CSMD1: variants seen among roughly 807,000 people sequenced by gnomAD.
The protein encoded by CSMD1 is CUB and Sushi multiple domains 1.
CSMD1 carries 213 observed loss-of-function variants against 417.5 expected under a neutral mutation model. That is an observed-to-expected ratio of 0.51 (90% CI 0.46 to 0.57). The LOEUF is 0.57. CSMD1 is among the 20% of genes least tolerant of loss of function. CSMD1 has a pLI of 0.00. For synonymous variants in CSMD1, 2,862 were observed against 1,736.8 expected (o/e 1.65, Z -16.11); for missense variants, 6,923 against 4,529.7 (o/e 1.53, Z -15.17).
intron 3 of CSMD1, among the ~76,000 whole-genome samples, chr8:4,177,645 C>G (rs2680619): frequency 0.97 from 135,982 of 140,094 alleles, 66,057 homozygotes; most frequent in East Asian, 1. Context: ...CCAGGAGCTG[C>G]TTTTTTGAAA....
chr8:4,637,710 C>A (rs940847563), intron 1 of CSMD1, among the ~76,000 whole-genome samples, 152 bp from the exon 2 acceptor site: 3 of 128,446 alleles, frequency 2.3e-5, no homozygotes, highest in African/African-American at 8.7e-5. Context: ...GTCGCCCAGG[C>A]CGGACTGCGG....
intron 54 of CSMD1, among the ~76,000 whole-genome samples, chr8:2,992,249 A>G (rs1361345729): frequency 2.0e-5 from 3 of 151,944 alleles, no homozygotes; most frequent in African/African-American, 4.8e-5. Context: ...CATTGCTGGG[A>G]GGTAGAGGAG....
At chr8:4,282,448 G>A (rs1230883490) in intron 3 of CSMD1, among the ~76,000 whole-genome samples, 2 of 152,168 alleles carry the variant, frequency 1.3e-5, no homozygotes, top group African/African-American at 2.4e-5. Flanking sequence ...CCTATTGCCA[G>A]AGGACGGAAT....
At chr8:3,401,819 G>T (rs1015397582) in intron 15 of CSMD1, among the ~76,000 whole-genome samples, 31 of 152,094 alleles carry the variant, frequency 2.0e-4, no homozygotes, top group African/African-American at 7.5e-4. Context: ...CAAGATTCAA[G>T]AAAAGACATT....
chr8:4,311,493 T>C (rs1798566540), intron 3 of CSMD1, among the ~76,000 whole-genome samples: 1 of 152,076 alleles, frequency 6.6e-6, no homozygotes, highest in Non-Finnish European at 1.5e-5. Flanking sequence ...AAGGCCAAGT[T>C]GGGCAGATCA....
At chr8:4,902,042 T>G (rs777477256) in intron 1 of CSMD1, among the ~76,000 whole-genome samples, 3 of 152,160 alleles carry the variant, frequency 2.0e-5, no homozygotes, top group Non-Finnish European at 4.4e-5. Flanking sequence ...TACTGTGGCT[T>G]TGGCTATATG....
At chr8:4,281,810 T>A (rs1218680050) in intron 3 of CSMD1, among the ~76,000 whole-genome samples, 7 of 152,230 alleles carry the variant, frequency 4.6e-5, no homozygotes, top group African/African-American at 1.7e-4. Context: ...CTTATTACAT[T>A]GTAAAACACT....
intron 3 of CSMD1, among the ~76,000 whole-genome samples, chr8:4,277,121 T>C (rs895833770): frequency 1.3e-4 from 20 of 152,118 alleles, no homozygotes; most frequent in African/African-American, 9.7e-5. Flanking sequence ...AAATAGTTCC[T>C]TCATAAACCC....
At chr8:4,055,100 T>G (rs772647947) in intron 3 of CSMD1, among the ~76,000 whole-genome samples, 18 of 152,294 alleles carry the variant, frequency 1.2e-4, no homozygotes, top group Non-Finnish European at 2.1e-4. Flanking sequence ...GTAACACATT[T>G]TCTTTGAGCT....
At chr8:4,797,090 G>A (rs189873879) in intron 1 of CSMD1, among the ~76,000 whole-genome samples, 1 of 152,148 alleles carries the variant, frequency 6.6e-6, no homozygotes, top group Non-Finnish European at 1.5e-5. Flanking sequence ...AATGCAGTGA[G>A]AATCGAATCA....
intron 2 of CSMD1, among the ~76,000 whole-genome samples, chr8:4,506,963 T>A (rs1478641254): frequency 6.6e-6 from 1 of 152,184 alleles, no homozygotes; most frequent in Non-Finnish European, 1.5e-5. Flanking sequence ...CGAATACATT[T>A]TTTTCATAAA....
intron 50 of CSMD1, among the ~76,000 whole-genome samples, chr8:3,033,500 C>G (rs1407069158): frequency 6.6e-6 from 1 of 151,940 alleles, no homozygotes; most frequent in Non-Finnish European, 1.5e-5. Flanking sequence ...AACACGGGAA[C>G]AGAAAACCAA....
At chr8:4,166,059 G>C (rs1020226344) in intron 3 of CSMD1, among the ~76,000 whole-genome samples, 6 of 152,122 alleles carry the variant, frequency 3.9e-5, no homozygotes, top group African/African-American at 1.2e-4. Flanking sequence ...ACTTTAATAA[G>C]TGAATTCCCA....
intron 7 of CSMD1, among the ~76,000 whole-genome samples, chr8:3,650,518 A>T (rs1441551469): frequency 6.6e-6 from 1 of 152,152 alleles, no homozygotes; most frequent in Non-Finnish European, 1.5e-5. Context: ...CTGAGCCTTC[A>T]TTCTCTACTC....
At chr8:4,630,803 G>T (rs563747369) in intron 2 of CSMD1, among the ~76,000 whole-genome samples, 63 of 152,208 alleles carry the variant, frequency 4.1e-4, no homozygotes, top group Non-Finnish European at 7.6e-4. Context: ...CTCCAGTTAA[G>T]AAGTCACCTC....
chr8:4,054,480 T>G (rs1331203419), intron 3 of CSMD1, among the ~76,000 whole-genome samples: 2 of 152,140 alleles, frequency 1.3e-5, no homozygotes, highest in Admixed American at 6.6e-5. Context: ...CGACTGCATT[T>G]TGGAAGCTTT....
At chr8:4,912,122 CAAAAAA>C (rs36194482) in intron 1 of CSMD1, among the ~76,000 whole-genome samples, 9 of 84,624 alleles carry the variant, frequency 1.1e-4, no homozygotes, top group African/African-American at 2.4e-4. Flanking sequence ...AACATAGCTT[CAAAAAA>C]AAAAAAAAAA....
chr8:2,935,953 A>C lies in CSMD1; in HGVS notation c.*2632T>G, dbSNP rs1204020418. ...CTGTTAGTGTGTGGTCGCGTCCCTC[A>C]CGCGTGTTCCCGTTGCCTTCAGGGA... On this transcript the variant is annotated 3_prime_UTR_variant, in exon 70 of 70. Coordinates refer to ENST00000635120, the MANE Select transcript of CSMD1 (RefSeq NM_033225.6). 1 of 152,224 alleles carries C rather than the reference A, an allele frequency of 6.6e-6. No individual in the cohort carries two copies. Among genetic ancestry groups the C allele is most frequent in the Non-Finnish European group, 1.5e-5 (1 of 68,052 alleles). 9.4% of individuals were successfully genotyped at this position (152,224 alleles called of 1,614,324 possible).
intron 2 of CSMD1, among the ~76,000 whole-genome samples, chr8:4,459,849 A>T (rs376217317): frequency 6.6e-6 from 1 of 152,206 alleles, no homozygotes; most frequent in Non-Finnish European, 1.5e-5. Flanking sequence ...TAACTAAAGC[A>T]TGCCCCTACC....
Sources: gnomAD v4.1 joint callset for allele counts (sites outside exome capture counted in the v4.1 genomes callset) on GRCh38, gnomAD v4.1.1 for gene constraint, MANE v1.5 for transcripts, NCBI Gene and HGNC (gene_info 2026-07-23, HGNC 2026-07-21) for gene names.